RXYLT1: variants seen among roughly 807,000 people sequenced by gnomAD.
The protein encoded by RXYLT1 is ribitol xylosyltransferase 1, also known as ribitol-5-phosphate xylosyltransferase 1.
RXYLT1 carries 41 observed loss-of-function variants against 43.5 expected under a neutral mutation model. That is an observed-to-expected ratio of 0.94 (90% CI 0.73 to 1.22). The LOEUF is 1.22. RXYLT1 is among the 50% of genes most tolerant of loss of function. The pLI is 0.00. For missense variants in RXYLT1, 514 were observed against 532.0 expected, an observed-to-expected ratio of 0.97 and a Z score of 0.33; for synonymous variants, 166 against 194.4, an observed-to-expected ratio of 0.85 and a Z score of 1.21.
chr12:63,801,851 A>G (rs868399902), intron 3 of RXYLT1, among the ~76,000 whole-genome samples: 4 of 152,138 alleles, frequency 2.6e-5, no homozygotes, highest in South Asian at 4.2e-4. Context: ...ACACAAAACT[A>G]TCACATTTTG....
intron 3 of RXYLT1, among the ~76,000 whole-genome samples, 177 bp from the exon 4 acceptor site, chr12:63,801,914 C>T (rs1243244166): frequency 6.6e-6 from 1 of 152,108 alleles, no homozygotes; most frequent in Non-Finnish European, 1.5e-5. Flanking sequence ...CATTAATCTA[C>T]AGCTATGCCC....
chr12:63,787,955 G>A (rs2136223662), intron 3 of RXYLT1, among the ~76,000 whole-genome samples: 1 of 152,248 alleles, frequency 6.6e-6, no homozygotes, highest in African/African-American at 2.4e-5. Context: ...AATAAGACTT[G>A]AAAGTCAAAA....
rs781405614 is a variant in RXYLT1 at position 63,802,366 on chromosome 12, A to G, written c.704A>G (p.Asn235Ser). 1 of 1,593,814 alleles carries G rather than the reference A, an allele frequency of 6.3e-7. No homozygotes were observed. Among genetic ancestry groups the G allele is most frequent in the South Asian group, 1.1e-5 (1 of 88,688 alleles). Reference sequence around the variant, plus strand: ...ATAATATATGACAGCCCCTGGATTAATGACGTGGATGTTTTTCAGTGGCCT... The same window carrying G: ...ATAATATATGACAGCCCCTGGATTAGTGACGTGGATGTTTTTCAGTGGCCT... The part of the protein sequence containing the change: ...LFIIYDSPWI[N>S]DVDVFQWPLG... The change falls in exon 4 of 6, where the codon AAT becomes AGT. Residue 235 changes from asparagine (N) to serine (S), a missense_variant. Coordinates refer to ENST00000261234, the MANE Select transcript of RXYLT1 (RefSeq NM_014254.3).
rs1354951198 is a variant in RXYLT1, at chr12:63,802,301, AT to A, written c.641del (p.Phe214SerfsTer14). 1.3e-5 allele frequency: 21 copies of A among 1,613,540 alleles called. No homozygotes were observed. Among genetic ancestry groups the A allele is most frequent in the Non-Finnish European group, 1.6e-5 (19 of 1,179,626 alleles). ...EHCDNEWINP[F>X]LKRNGGFVEL... is the part of the protein sequence containing the mutation. The stretch of plus-strand genomic sequence containing the variant: ...ATTGTGATAATGAGTGGATAAACCC[AT>A]TCCTCAAAAGAAATGGAGGCTTCGT... On this transcript the variant is annotated frameshift_variant, in exon 4 of 6. Coordinates refer to ENST00000261234, the MANE Select transcript of RXYLT1 (RefSeq NM_014254.3). LOFTEE classifies it high-confidence loss of function.
chr12:63,791,320 T>G (rs1019043450), intron 3 of RXYLT1, among the ~76,000 whole-genome samples: 1 of 152,202 alleles, frequency 6.6e-6, no homozygotes, highest in African/African-American at 2.4e-5. Flanking sequence ...GTATAGTCAT[T>G]ACCACAGGCT....
At chr12:63,803,030 C>T (rs534616543) in intron 4 of RXYLT1, among the ~76,000 whole-genome samples, 3 of 150,488 alleles carry the variant, frequency 2.0e-5, no homozygotes, top group East Asian at 3.9e-4. Context: ...AAAAATTATC[C>T]GGGCATGGTG....
intron 3 of RXYLT1, among the ~76,000 whole-genome samples, chr12:63,795,899 T>C (rs1302586190): frequency 6.6e-6 from 1 of 152,210 alleles, no homozygotes; most frequent in Non-Finnish European, 1.5e-5. Context: ...AACAAAAATA[T>C]TGCAAAAATG....
At chr12:63,788,287 A>G (rs1014973467) in intron 3 of RXYLT1, among the ~76,000 whole-genome samples, 1 of 152,162 alleles carries the variant, frequency 6.6e-6, no homozygotes, top group African/African-American at 2.4e-5. Context: ...ACTTAAAGTC[A>G]CCCAGCTACA....
rs763122658 is a variant in RXYLT1 at position 63,808,890 on chromosome 12, A to G, written c.1130A>G (p.Lys377Arg). Reference sequence around the variant, plus strand: ...CACGGTGCTCCTCTGCAGTTACTCAAGTCCATGGGTGCTCCCTTTATCTTT... The same window carrying G: ...CACGGTGCTCCTCTGCAGTTACTCAGGTCCATGGGTGCTCCCTTTATCTTT... ...VHHGAPLQLL[K>R]SMGAPFIFIK... The change falls in exon 6 of 6, where the codon AAG becomes AGG. Residue 377 changes from lysine to arginine, a missense_variant. Physicochemically the swap from Lys to Arg is conservative, Grantham distance 26. Coordinates refer to ENST00000261234, the MANE Select transcript of RXYLT1 (RefSeq NM_014254.3). The G allele has an allele frequency of 6.6e-5, 107 of 1,614,024 alleles. No homozygotes were observed. The highest frequency in any genetic ancestry group is 8.5e-5 in the Non-Finnish European group (100 of 1,180,046).
intron 1 of RXYLT1, chr12:63,780,534 C>T: frequency 4.9e-6 from 5 of 1,025,216 alleles, no homozygotes; most frequent in Non-Finnish European, 4.7e-6. Flanking sequence ...GCAGACTTTA[C>T]CTCCAAATTC....
At chr12:63,803,532 C>T (rs1028713180) in intron 4 of RXYLT1, among the ~76,000 whole-genome samples, 1 of 152,064 alleles carries the variant, frequency 6.6e-6, no homozygotes, top group Non-Finnish European at 1.5e-5. Flanking sequence ...GCCTAGTTAG[C>T]GACACAGATG....
chr12:63,787,090 G>A (rs977298233), intron 3 of RXYLT1, among the ~76,000 whole-genome samples: 4 of 151,932 alleles, frequency 2.6e-5, no homozygotes, highest in African/African-American at 7.3e-5. Flanking sequence ...TCCAACCCCG[G>A]GCGACAGAAT....
intron 3 of RXYLT1, among the ~76,000 whole-genome samples, chr12:63,787,968 ACTC>A (rs1308135014): frequency 6.6e-6 from 1 of 151,984 alleles, no homozygotes; most frequent in East Asian, 1.9e-4. Flanking sequence ...AGTCAAAATT[ACTC>A]CTTGATCCAT....
chr12:63,784,628 G>A (rs1897759765), intron 2 of RXYLT1, among the ~76,000 whole-genome samples: 1 of 152,178 alleles, frequency 6.6e-6, no homozygotes, highest in Non-Finnish European at 1.5e-5. Context: ...ACATAGTATA[G>A]TTTACTTTGT....
At chr12:63,803,011 A>G (rs2136232140) in intron 4 of RXYLT1, among the ~76,000 whole-genome samples, 1 of 151,416 alleles carries the variant, frequency 6.6e-6, no homozygotes, top group East Asian at 2.0e-4. Context: ...TCTAAAAAAA[A>G]AAAAAATCAA....
At chr12:63,797,414 A>G in intron 3 of RXYLT1, among the ~76,000 whole-genome samples, 1 of 152,208 alleles carries the variant, frequency 6.6e-6, no homozygotes, top group East Asian at 1.9e-4. Flanking sequence ...TGTTTTCTAA[A>G]GGAGGTGATA....
chr12:63,805,390 T>A lies in RXYLT1; in HGVS notation c.900T>A (p.Val300=). 1 of 1,603,800 alleles carries A rather than the reference T, an allele frequency of 6.2e-7. No homozygotes were observed. The highest frequency in any genetic ancestry group is 1.3e-5 in the African/African-American group (1 of 74,410). ...ATGGGAACGATAAGCTTTGTTGGGT[T>A]TCAGCAAGAGAACAGTAAGTTCTAT... ...KKDGNDKLCW[V]SAREHWQPQE... Residue 300 remains valine, a synonymous_variant, in exon 5 of 6, where the codon GTT becomes GTA. Coordinates refer to ENST00000261234, the MANE Select transcript of RXYLT1 (RefSeq NM_014254.3).
intron 3 of RXYLT1, among the ~76,000 whole-genome samples, chr12:63,797,934 G>C (rs1009475630): frequency 6.6e-6 from 1 of 152,122 alleles, no homozygotes; most frequent in Admixed American, 6.6e-5. Flanking sequence ...ATGGGAAGAT[G>C]AGAGAGGGAA....
chr12:63,780,787 C>T (rs1426503111), intron 1 of RXYLT1, among the ~76,000 whole-genome samples: 1 of 152,124 alleles, frequency 6.6e-6, no homozygotes, highest in Non-Finnish European at 1.5e-5. Context: ...ATTTTCCTGT[C>T]TCAAGGTAGC....
Sources: allele counts gnomAD v4.1 joint callset (sites outside exome capture counted in the v4.1 genomes callset), GRCh38; gene constraint gnomAD v4.1.1; transcripts MANE v1.5; gene names NCBI Gene and HGNC (gene_info 2026-07-23, HGNC 2026-07-21).